Variants in RIMS2 observed in about 807,000 individuals in gnomAD.
RIMS2 encodes the protein regulating synaptic membrane exocytosis 2.
In RIMS2, 59 loss-of-function variants were observed where a neutral mutation model predicts 174.4. The ratio of observed to expected loss-of-function variants is 0.34; its 90% CI spans 0.27 to 0.42. The LOEUF (loss-of-function observed/expected upper bound fraction) is 0.42. Among genes scored for constraint, RIMS2 ranks in the 10% least tolerant of loss-of-function variants. The pLI, the probability that RIMS2 is intolerant of heterozygous loss-of-function variation, is 1.00. For missense variants in RIMS2, 1,620 were observed against 1,666.3 expected (o/e 0.97, Z 0.48); for synonymous variants, 606 against 572.5 (o/e 1.06, Z -0.84).
chr8:104,143,381 A>AT, intron 19 of RIMS2, among the ~76,000 whole-genome samples: 1 of 152,278 alleles, frequency 6.6e-6, no homozygotes, highest in Non-Finnish European at 1.5e-5. Flanking sequence ...CAGAAGCCAG[A>AT]TTTTTTTGTT....
intron 3 of RIMS2, among the ~76,000 whole-genome samples, chr8:103,829,055 C>G (rs1170339286): frequency 1.6e-5 from 2 of 128,940 alleles, no homozygotes; most frequent in Non-Finnish European, 3.4e-5. Flanking sequence ...TATTTGGGCT[C>G]TTTTTTGGTT....
chr8:103,818,095 T>G (rs968048357), intron 3 of RIMS2, among the ~76,000 whole-genome samples: 7 of 152,098 alleles, frequency 4.6e-5, no homozygotes, highest in African/African-American at 1.7e-4. Flanking sequence ...AAATGGTTGT[T>G]TAAAAATTTA....
chr8:103,837,376 A>T (rs1345525580), intron 3 of RIMS2, among the ~76,000 whole-genome samples: 3 of 152,156 alleles, frequency 2.0e-5, no homozygotes, highest in Non-Finnish European at 4.4e-5. Flanking sequence ...CTTCTAGAGG[A>T]TTTTTTTAAA....
At chr8:103,608,955 C>T (rs1056135383) in intron 1 of RIMS2, among the ~76,000 whole-genome samples, 4 of 152,196 alleles carry the variant, frequency 2.6e-5, no homozygotes, top group African/African-American at 2.4e-5. Flanking sequence ...CCTTCTTCTG[C>T]GTTGCTCACG....
At chr8:103,671,154 C>T (rs983585620) in intron 1 of RIMS2, among the ~76,000 whole-genome samples, 1 of 151,986 alleles carries the variant, frequency 6.6e-6, no homozygotes, top group Non-Finnish European at 1.5e-5. Flanking sequence ...ACCATCAGAT[C>T]TTGTGAGACT....
intron 1 of RIMS2, among the ~76,000 whole-genome samples, chr8:103,587,133 A>G (rs1325764646): frequency 6.6e-6 from 1 of 152,054 alleles, no homozygotes; most frequent in Non-Finnish European, 1.5e-5. Context: ...CTAGACATAT[A>G]CAACCTACCA....
intron 3 of RIMS2, among the ~76,000 whole-genome samples, chr8:103,793,948 A>G (rs2098526332): frequency 1.3e-5 from 2 of 152,106 alleles, no homozygotes; most frequent in African/African-American, 2.4e-5. Flanking sequence ...TAAACAAATG[A>G]AAGAACATTC....
At chr8:103,616,300 C>T (rs899672067) in intron 1 of RIMS2, among the ~76,000 whole-genome samples, 1 of 152,122 alleles carries the variant, frequency 6.6e-6, no homozygotes, top group Non-Finnish European at 1.5e-5. Flanking sequence ...GCAGAAAAGG[C>T]TTTTGATAAA....
chr8:104,105,070 CG>C (rs2131341369), intron 19 of RIMS2, among the ~76,000 whole-genome samples: 1 of 151,948 alleles, frequency 6.6e-6, no homozygotes, highest in East Asian at 1.9e-4. Context: ...GTTTTTGTAA[CG>C]GCTATTTAAA....
Position 104,086,160 on chromosome 8 carries a change from A to G in RIMS2, c.3334+71545A>G, listed in dbSNP as rs555192632. Among the ~76,000 whole-genome samples, 272 of 152,086 alleles carry G rather than the reference A, an allele frequency of 1.8e-3. 1 individual carries two copies. Among genetic ancestry groups the G allele is most frequent in the Non-Finnish European group, 3.2e-3 (217 of 67,946 alleles). On this transcript the variant is annotated intron_variant, in intron 19 of 23. Transcript: ENST00000504942. Reference sequence around the variant, plus strand: ...TAGAAACCCTGAGTGGCAATATCTAAGAAGTCATTATGGGAAATTTTCAAG... The same window carrying G: ...TAGAAACCCTGAGTGGCAATATCTAGGAAGTCATTATGGGAAATTTTCAAG...
intron 3 of RIMS2, among the ~76,000 whole-genome samples, chr8:103,801,083 T>G (rs2098604393): frequency 6.6e-6 from 1 of 152,034 alleles, no homozygotes; most frequent in Admixed American, 6.6e-5. Flanking sequence ...ATCTCCGCCT[T>G]TGGCAATTCT....
chr8:104,196,657 C>G (rs1038538124), intron 19 of RIMS2, among the ~76,000 whole-genome samples: 1 of 152,206 alleles, frequency 6.6e-6, no homozygotes, highest in East Asian at 1.9e-4. Context: ...TGTTTGCTAA[C>G]AGACCCAAAT....
chr8:104,086,511 A>G lies in RIMS2; in HGVS notation c.3334+71896A>G, dbSNP rs566515736. Among the ~76,000 whole-genome samples the G allele has an allele frequency of 1.2e-4, 19 of 152,216 alleles. No homozygotes were observed. In the East Asian group the frequency reaches 2.5e-3, roughly 20 times the overall value. Reference sequence around the variant, plus strand: ...AAGGAGAAGCTGATTACTAATAGACATTGAGTTCCCACAAAGCCAAGCCTT... The same window carrying G: ...AAGGAGAAGCTGATTACTAATAGACGTTGAGTTCCCACAAAGCCAAGCCTT... On this transcript the variant is annotated intron_variant, in intron 19 of 23. Transcript: ENST00000504942.
At chr8:103,730,829 T>A (rs1591265067) in intron 2 of RIMS2, among the ~76,000 whole-genome samples, 1 of 152,188 alleles carries the variant, frequency 6.6e-6, no homozygotes, top group South Asian at 2.1e-4. Context: ...TCCTTCATGT[T>A]TTAAGGATGT....
chr8:103,999,621 G>A (rs562381291), intron 17 of RIMS2, among the ~76,000 whole-genome samples: 1 of 151,738 alleles, frequency 6.6e-6, no homozygotes, highest in East Asian at 1.9e-4. Context: ...ACATGAATGA[G>A]ACATTACTGA....
At chr8:103,600,913 T>C (rs976683264) in intron 1 of RIMS2, among the ~76,000 whole-genome samples, 2 of 152,328 alleles carry the variant, frequency 1.3e-5, no homozygotes, top group East Asian at 1.9e-4. Context: ...AGAGATCCCA[T>C]TGTAGTTTTG....
chr8:104,137,225 T>C (rs1444177773), intron 19 of RIMS2, among the ~76,000 whole-genome samples: 2 of 152,220 alleles, frequency 1.3e-5, no homozygotes, highest in African/African-American at 4.8e-5. Flanking sequence ...CAAATAAATC[T>C]AATAAGTTTG....
At chr8:103,856,543 G>A (rs1056053664) in intron 3 of RIMS2, among the ~76,000 whole-genome samples, 13 of 152,266 alleles carry the variant, frequency 8.5e-5, no homozygotes, top group Admixed American at 7.8e-4. Flanking sequence ...TGATTAATTT[G>A]TCAAGAAAAA....
chr8:104,165,850 C>G (rs2098793584), intron 19 of RIMS2, among the ~76,000 whole-genome samples: 1 of 151,980 alleles, frequency 6.6e-6, no homozygotes, highest in South Asian at 2.1e-4. Context: ...TTATGATTAA[C>G]TGTGTTTCTA....
Sources: allele counts gnomAD v4.1 joint callset (sites outside exome capture counted in the v4.1 genomes callset), GRCh38; gene constraint gnomAD v4.1.1; transcripts MANE v1.5; gene names NCBI Gene and HGNC (gene_info 2026-07-23, HGNC 2026-07-21).